SRSF11: variants seen among roughly 807,000 people sequenced by gnomAD.
The protein encoded by SRSF11 is serine/arginine-rich splicing factor 11.
SRSF11 carries 9 observed loss-of-function variants against 56.0 expected under a neutral mutation model. That is an observed-to-expected ratio of 0.16 (90% CI 0.10 to 0.28). The LOEUF (loss-of-function observed/expected upper bound fraction) is 0.28, where lower values mean the gene tolerates loss of function less well. SRSF11 is among the 10% of genes least tolerant of loss of function. SRSF11 has a pLI of 1.00. For synonymous variants in SRSF11, 222 were observed against 215.3 expected, an observed-to-expected ratio of 1.03 and a Z score of -0.27; for missense variants, 421 against 600.7, an observed-to-expected ratio of 0.70 and a Z score of 3.13.
At chr1:70,231,133 C>G in intron 2 of SRSF11, 1 of 1,289,634 alleles carries the variant, frequency 7.8e-7, no homozygotes, top group Non-Finnish European at 1.0e-6. Context: ...ATACCAGGCC[C>G]TGCTGAAAAT....
chr1:70,244,708 G>T lies in SRSF11; in HGVS notation c.825G>T (p.Arg275=). Reference sequence around the variant, plus strand: ...GGCGGTCAAGAAGCAGATCGAGACGGCGGTCACATTCTAAGTCTAGGAGTC... The same window carrying T: ...GGCGGTCAAGAAGCAGATCGAGACGTCGGTCACATTCTAAGTCTAGGAGTC... ...RHRRSRSRSR[R]RSHSKSRSRR... The change falls in exon 8 of 12, where the codon CGG becomes CGT. Residue 275 remains arginine, a synonymous_variant. Transcript: ENST00000370949. 6.2e-7 allele frequency: 1 copy of T among 1,614,086 alleles called. No homozygotes were observed. The highest frequency in any genetic ancestry group is 1.3e-5 in the African/African-American group (1 of 75,016).
chr1:70,249,880 C>T, intron 9 of SRSF11, 72 bp from the exon 10 acceptor site: 3 of 1,473,558 alleles, frequency 2.0e-6, no homozygotes, highest in Admixed American at 1.7e-5. Flanking sequence ...TTGTTAGAAT[C>T]ATCTATGATG....
intron 7 of SRSF11, among the ~76,000 whole-genome samples, chr1:70,243,946 T>G (rs922430992): frequency 6.6e-6 from 1 of 152,078 alleles, no homozygotes; most frequent in African/African-American, 2.4e-5. Flanking sequence ...AAAGGTTAAT[T>G]GTGCTTCTTA....
At chr1:70,241,492 T>C (rs1474717015) in intron 7 of SRSF11, among the ~76,000 whole-genome samples, 1 of 152,218 alleles carries the variant, frequency 6.6e-6, no homozygotes, top group African/African-American at 2.4e-5. Context: ...ATACAGATCA[T>C]GTCACAGATA....
chr1:70,205,851 T>G (rs1270394763), intron 1 of SRSF11: 3 of 230,432 alleles, frequency 1.3e-5, no homozygotes, highest in African/African-American at 2.2e-5. Flanking sequence ...GACTCCAACC[T>G]TCTCCTCTGT....
intron 8 of SRSF11, chr1:70,246,584 A>G (rs1160058810): frequency 6.2e-6 from 2 of 322,236 alleles, no homozygotes; most frequent in Non-Finnish European, 1.1e-5. Flanking sequence ...TTTCTCACCC[A>G]TAGTCTACTT....
At chr1:70,244,933 A>G (rs1676397778) in intron 8 of SRSF11, 118 bp downstream of exon 8, 3 of 913,720 alleles carry the variant, frequency 3.3e-6, no homozygotes, top group Non-Finnish European at 4.7e-6. Context: ...AGACAGGGGA[A>G]GAAACTGTCA....
intron 2 of SRSF11, chr1:70,230,645 A>G: frequency 7.9e-7 from 1 of 1,258,104 alleles, no homozygotes; most frequent in Non-Finnish European, 1.0e-6. Context: ...CTATTTTTAA[A>G]TTGTAGTTTT....
chr1:70,244,399 G>A (rs1266903043), intron 7 of SRSF11, among the ~76,000 whole-genome samples: 1 of 152,086 alleles, frequency 6.6e-6, no homozygotes, highest in Admixed American at 6.5e-5. Flanking sequence ...TGATCTAGTA[G>A]TATTTTTAAC....
intron 8 of SRSF11, among the ~76,000 whole-genome samples, chr1:70,245,186 G>A (rs923481942): frequency 4.6e-5 from 7 of 152,138 alleles, no homozygotes; most frequent in African/African-American, 1.4e-4. Context: ...ATTTATAGTT[G>A]TGAGGCATAC....
At chr1:70,230,921 C>A in intron 2 of SRSF11, 1 of 1,193,186 alleles carries the variant, frequency 8.4e-7, no homozygotes, top group Non-Finnish European at 1.1e-6. Context: ...GATCTTCTCC[C>A]CCTTCCCCTC....
chr1:70,247,509 AT>A (rs2101003840), intron 9 of SRSF11, among the ~76,000 whole-genome samples: 1 of 152,230 alleles, frequency 6.6e-6, no homozygotes, highest in South Asian at 2.1e-4. Context: ...ATTCATCAAC[AT>A]TACTTAAATT....
At position 70,250,863 on chromosome 1, in the gene SRSF11, A is replaced by G; in HGVS notation, c.*58A>G. ...TGCATCAGTGTCATTCCTTTGTGTGATTTCTTAATGCTGTATTTGTTCATC... is the reference window on the plus strand; with the variant it reads ...TGCATCAGTGTCATTCCTTTGTGTGGTTTCTTAATGCTGTATTTGTTCATC... On this transcript the variant is annotated 3_prime_UTR_variant, in exon 12 of 12. Coordinates refer to ENST00000370949, the MANE Select transcript of SRSF11 (RefSeq NM_001350605.2). 3 of 1,461,318 alleles carry G rather than the reference A, an allele frequency of 2.1e-6. No individual in the cohort carries two copies. Among genetic ancestry groups the G allele is most frequent in the African/African-American group, 1.4e-5 (1 of 71,778 alleles). 90.5% of individuals were successfully genotyped at this position (1,461,318 alleles called of 1,614,324 possible).
In SRSF11 at chr1:70,249,953, G is replaced by A; in HGVS notation, c.1024G>A (p.Glu342Lys). The part of the protein sequence containing the change: ...TARRSRSASR[E>K]RRRRRSRSGT... ...TAGTTTGCACATTTGTGATTCTAGA[G>A]AGAGACGACGACGAAGAAGCAGGAG... The change falls in exon 10 of 12, where the codon GAG (glutamate) becomes AAG (lysine). Residue 342 changes from glutamate (E) to lysine (K), a missense_variant and splice_region_variant. Transcript: ENST00000370949. 6.2e-7 allele frequency: 1 copy of A among 1,614,078 alleles called. No individual in the cohort carries two copies. The highest frequency in any genetic ancestry group is 8.5e-7 in the Non-Finnish European group (1 of 1,179,986).
intron 7 of SRSF11, 38 bp downstream of exon 7, chr1:70,239,558 G>T: frequency 7.1e-7 from 1 of 1,416,244 alleles, no homozygotes; most frequent in Non-Finnish European, 9.7e-7. Flanking sequence ...CTTAGACAAA[G>T]ATAATTTATA....
At chr1:70,231,479 G>A (rs1003132388) in intron 2 of SRSF11, 26 of 1,057,432 alleles carry the variant, frequency 2.5e-5, no homozygotes, top group Non-Finnish European at 2.7e-5. Context: ...GTTTGGCTAA[G>A]TTAGCTTTTC....
At chr1:70,228,319 G>T in intron 1 of SRSF11, 103 bp from the exon 2 acceptor site, 1 of 820,112 alleles carries the variant, frequency 1.2e-6, no homozygotes, top group South Asian at 1.8e-5. Context: ...ATACAGTTAG[G>T]TTTTTTTAAT....
chr1:70,238,421 A>C (rs75181575), intron 6 of SRSF11, among the ~76,000 whole-genome samples: 1 of 152,360 alleles, frequency 6.6e-6, no homozygotes, highest in East Asian at 1.9e-4. Flanking sequence ...TTCACAATAA[A>C]TTGAACCCTA....
intron 1 of SRSF11, among the ~76,000 whole-genome samples, chr1:70,209,588 G>A (rs1030579092): frequency 1.6e-4 from 24 of 151,812 alleles, no homozygotes; most frequent in African/African-American, 5.8e-4. Context: ...GTAGCTGGGA[G>A]AGGACATTCT....
Sources: gnomAD v4.1 joint callset for allele counts (sites outside exome capture counted in the v4.1 genomes callset) on GRCh38, gnomAD v4.1.1 for gene constraint, MANE v1.5 for transcripts, NCBI Gene and HGNC (gene_info 2026-07-23, HGNC 2026-07-21) for gene names.